MORC1: variants seen among roughly 807,000 people sequenced by gnomAD.
MORC1 encodes the protein MORC family CW-type zinc finger protein 1.
Under a neutral mutation model 134.9 loss-of-function variants are expected in MORC1, and 59 were observed. The ratio of observed to expected loss-of-function variants is 0.44; its 90% CI spans 0.35 to 0.54. The LOEUF (loss-of-function observed/expected upper bound fraction) is 0.54. MORC1 is among the 20% of genes least tolerant of loss of function. MORC1 has a pLI of 0.00. For synonymous variants in MORC1, 395 were observed against 391.7 expected (o/e 1.01, Z -0.10); for missense variants, 947 against 1,134.5 (o/e 0.83, Z 2.37).
intron 26 of MORC1, among the ~76,000 whole-genome samples, chr3:108,965,838 G>A (rs955584969): frequency 1.3e-5 from 2 of 152,062 alleles, no homozygotes; most frequent in Admixed American, 6.5e-5. Flanking sequence ...AAAAAGCCTC[G>A]ACACTATTAA....
chr3:109,000,565 T>C lies in MORC1; in HGVS notation c.2179A>G (p.Ile727Val). 1.2e-6 allele frequency: 2 copies of C among 1,603,104 alleles called. No individual in the cohort carries two copies. The highest frequency in any genetic ancestry group is 1.3e-5 in the African/African-American group (1 of 74,718). ...TGTATAGTTTATCTCACCAGGATTA[T>C]ATCTGAATCACTCGTGTTCTCATCT... ...TEDENTSDSD[I>V]ILVSDKSNTD... Residue 727 changes from isoleucine to valine, a missense_variant, in exon 21 of 28, where the codon ATA becomes GTA. Transcript: ENST00000232603.
chr3:108,975,109 G>T (rs1488582195), intron 24 of MORC1, among the ~76,000 whole-genome samples: 1 of 152,160 alleles, frequency 6.6e-6, no homozygotes, highest in Non-Finnish European at 1.5e-5. Flanking sequence ...AAACATGGTA[G>T]ACATGGGCAG....
intron 24 of MORC1, among the ~76,000 whole-genome samples, chr3:108,973,595 G>GTTTTTTTT (rs63198360): frequency 2.6e-5 from 2 of 77,908 alleles, no homozygotes; most frequent in Non-Finnish European, 2.5e-5. Context: ...CTTTGTTTTG[G>GTTTTTTTT]TTTTTTTTTT....
intron 15 of MORC1, among the ~76,000 whole-genome samples, chr3:109,034,366 G>T (rs1949320092): frequency 6.6e-6 from 1 of 152,150 alleles, no homozygotes; most frequent in African/African-American, 2.4e-5. Flanking sequence ...GTTAGTTACA[G>T]ATATTAGAGA....
chr3:109,085,053 T>C (rs1382753464), intron 8 of MORC1, among the ~76,000 whole-genome samples: 1 of 152,004 alleles, frequency 6.6e-6, no homozygotes, highest in African/African-American at 2.4e-5. Context: ...ACTAGAAAGC[T>C]AGCTAGAAAA....
intron 24 of MORC1, among the ~76,000 whole-genome samples, chr3:108,975,700 AT>A (rs1339897274): frequency 1.3e-5 from 2 of 152,188 alleles, no homozygotes; most frequent in African/African-American, 2.4e-5. Context: ...CTGAGCTATC[AT>A]ATGCAAAGCC....
At chr3:108,983,082 G>A (rs545018517) in intron 23 of MORC1, among the ~76,000 whole-genome samples, 6 of 151,630 alleles carry the variant, frequency 4.0e-5, no homozygotes, top group Admixed American at 3.3e-4. Context: ...ATATATACAT[G>A]CATACACACA....
chr3:109,000,564 A>G lies in MORC1; in HGVS notation c.2180T>C (p.Ile727Thr). ...GTGTATAGTTTATCTCACCAGGATTATATCTGAATCACTCGTGTTCTCATC... is the reference window on the plus strand; with the variant it reads ...GTGTATAGTTTATCTCACCAGGATTGTATCTGAATCACTCGTGTTCTCATC... ...TEDENTSDSD[I>T]ILVSDKSNTD... The change falls in exon 21 of 28, where the codon ATA becomes ACA. Residue 727 changes from isoleucine to threonine, a missense_variant. By Grantham distance (89) the Ile-to-Thr change is moderately conservative (BLOSUM62 -1). Transcript: ENST00000232603. 1 of 1,601,880 alleles carries G rather than the reference A, an allele frequency of 6.2e-7. No homozygotes were observed. The highest frequency in any genetic ancestry group is 1.1e-5 in the South Asian group (1 of 89,018).
intron 24 of MORC1, among the ~76,000 whole-genome samples, chr3:108,973,791 G>C (rs532416029): frequency 8.6e-5 from 13 of 151,262 alleles, no homozygotes; most frequent in Non-Finnish European, 1.9e-4. Context: ...TTAGAGATGG[G>C]GTTTTGCCAT....
chr3:109,005,487 A>G (rs1283746438), intron 18 of MORC1, among the ~76,000 whole-genome samples, 172 bp from the exon 19 acceptor site: 1 of 152,222 alleles, frequency 6.6e-6, no homozygotes, highest in Non-Finnish European at 1.5e-5. Flanking sequence ...ATGGCTCATT[A>G]AGAATTTGAT....
intron 4 of MORC1, 21 bp from the exon 5 acceptor site, chr3:109,100,528 T>A (rs768224935): frequency 4.4e-6 from 7 of 1,582,386 alleles, no homozygotes; most frequent in African/African-American, 1.3e-5. Flanking sequence ...CAGTGACTTT[T>A]AAGGTGGTTA....
At position 109,095,049 on chromosome 3, in the gene MORC1, G is replaced by A; in HGVS notation, c.443C>T (p.Ser148Leu). The A allele has an allele frequency of 5.1e-6, 8 of 1,583,192 alleles. No individual in the cohort carries two copies. Among genetic ancestry groups the A allele is most frequent in the Non-Finnish European group, 6.8e-6 (8 of 1,171,020 alleles). Residue 148 changes from serine to leucine, a missense_variant, in exon 7 of 28, where the codon TCA (serine) becomes TTA (leucine). Transcript: ENST00000232603. ...AGATTCTCTGGTTCTTATTAACCAT[G>A]AGGGCATTGGAACTACAACCTATTT... ...SLSEVVVPMP[S>L]WLIRTRESVT...
At chr3:109,038,780 C>T (rs150029948) in intron 14 of MORC1, among the ~76,000 whole-genome samples, 31,036 of 152,140 alleles carry the variant, frequency 0.2, 3,513 homozygotes, top group Middle Eastern at 0.33. Context: ...GGACTCTGTT[C>T]TGTTCCATTG....
intron 12 of MORC1, among the ~76,000 whole-genome samples, chr3:109,059,503 CT>C (rs1403800905): frequency 6.6e-6 from 1 of 152,166 alleles, no homozygotes; most frequent in Non-Finnish European, 1.5e-5. Flanking sequence ...GGGCAGTTCA[CT>C]TTCACTTCCT....
At chr3:109,057,642 C>A (rs1949991473) in intron 12 of MORC1, among the ~76,000 whole-genome samples, 156 bp from the exon 13 acceptor site, 1 of 152,128 alleles carries the variant, frequency 6.6e-6, no homozygotes, top group African/African-American at 2.4e-5. Context: ...CTCTGTATAG[C>A]CAAGTATTCT....
At chr3:109,076,730 G>T (rs1422734747) in intron 8 of MORC1, among the ~76,000 whole-genome samples, 1 of 152,058 alleles carries the variant, frequency 6.6e-6, no homozygotes, top group African/African-American at 2.4e-5. Flanking sequence ...CACAGAAACA[G>T]AAAACCAAAT....
chr3:109,092,771 A>C (rs1355546071), intron 8 of MORC1, among the ~76,000 whole-genome samples: 1 of 152,194 alleles, frequency 6.6e-6, no homozygotes, highest in Non-Finnish European at 1.5e-5. Context: ...ACAACACTGA[A>C]ATACAAAATA....
chr3:109,051,779 A>G (rs1949836915), intron 14 of MORC1, among the ~76,000 whole-genome samples: 1 of 152,122 alleles, frequency 6.6e-6, no homozygotes, highest in Non-Finnish European at 1.5e-5. Flanking sequence ...GTAGAAGGTG[A>G]GAAACAATTA....
Position 109,118,088 on chromosome 3 carries a change from G to A in MORC1, c.-29C>T, listed in dbSNP as rs779726028. 1.7e-5 allele frequency: 27 copies of A among 1,596,160 alleles called. No homozygotes were observed. Among genetic ancestry groups the A allele is most frequent in the Non-Finnish European group, 2.3e-5 (27 of 1,170,906 alleles). On this transcript the variant is annotated 5_prime_UTR_variant, in exon 1 of 28. Transcript: ENST00000232603. ...CTCGAACACGACCCGCGCAACTCAA[G>A]GGGACAAGGACACCTGACCGGCAGC...
Sources: allele counts gnomAD v4.1 joint callset (sites outside exome capture counted in the v4.1 genomes callset), GRCh38; gene constraint gnomAD v4.1.1; transcripts MANE v1.5; gene names NCBI Gene and HGNC (gene_info 2026-07-23, HGNC 2026-07-21).